Variants in FAM193A observed in about 807,000 individuals in gnomAD.
The protein encoded by FAM193A is family with sequence similarity 193 member A, also known as protein FAM193A.
Under a neutral mutation model 126.5 loss-of-function variants are expected in FAM193A, and 22 were observed. That is an observed-to-expected ratio of 0.17 (90% CI 0.12 to 0.25). The LOEUF is 0.25. Ranked by LOEUF, FAM193A falls within the 10% of genes least tolerant of loss-of-function variation. The pLI is 1.00. For missense variants in FAM193A, 1,675 were observed against 1,672.8 expected, an observed-to-expected ratio of 1.00 and a Z score of -0.02; for synonymous variants, 761 against 646.8, an observed-to-expected ratio of 1.18 and a Z score of -2.68.
At chr4:2,640,752 G>A (rs1003521378) in intron 6 of FAM193A, among the ~76,000 whole-genome samples, 19 of 152,058 alleles carry the variant, frequency 1.2e-4, no homozygotes, top group African/African-American at 4.6e-4. Flanking sequence ...ATCACCTGAG[G>A]TCAGGAGTTT....
At chr4:2,589,563 C>G (rs561281846) in intron 1 of FAM193A, among the ~76,000 whole-genome samples, 1 of 152,174 alleles carries the variant, frequency 6.6e-6, no homozygotes, top group Non-Finnish European at 1.5e-5. Context: ...GATATTTACT[C>G]TGTAAGATTA....
chr4:2,552,296 C>T (rs1453526525), intron 1 of FAM193A, among the ~76,000 whole-genome samples: 2 of 120,112 alleles, frequency 1.7e-5, no homozygotes, highest in African/African-American at 6.2e-5. Flanking sequence ...CAGGCGTGAG[C>T]CACCGCGCCC....
chr4:2,653,967 A>G (rs772301286), intron 7 of FAM193A, among the ~76,000 whole-genome samples: 6 of 152,166 alleles, frequency 3.9e-5, no homozygotes, highest in South Asian at 2.1e-4. Flanking sequence ...CAGCAGGGCT[A>G]TGTTCCCCTG....
At chr4:2,572,708 G>T (rs1213274236) in intron 1 of FAM193A, among the ~76,000 whole-genome samples, 1 of 151,966 alleles carries the variant, frequency 6.6e-6, no homozygotes, top group East Asian at 1.9e-4. Context: ...CTGGAGGGCT[G>T]GGGCGAGGAT....
chr4:2,611,261 C>CTATT (rs527253867), intron 2 of FAM193A, among the ~76,000 whole-genome samples: 4,210 of 151,394 alleles, frequency 0.028, 139 homozygotes, highest in African/African-American at 0.079. Flanking sequence ...TCTGCATTTT[C>CTATT]TATTTATTTA....
At chr4:2,696,128 G>A (rs1286406132) in intron 17 of FAM193A, 7 of 435,758 alleles carry the variant, frequency 1.6e-5, no homozygotes, top group Non-Finnish European at 2.5e-5. Context: ...AGCTATACAT[G>A]CTTTATCAGG....
In FAM193A at chr4:2,663,983, A is replaced by G. The variant is rs531085687; in HGVS notation, c.2079+695A>G. ...CTCTGTTTAAAAAATAATAATAACAACAATAATAATAAGCAGTCTTTAAAT... is the reference window on the plus strand; with the variant it reads ...CTCTGTTTAAAAAATAATAATAACAGCAATAATAATAAGCAGTCTTTAAAT... On this transcript the variant is annotated intron_variant, in intron 12 of 20. Transcript: ENST00000637812. Among the ~76,000 whole-genome samples, 23 of 152,312 alleles carry G rather than the reference A, an allele frequency of 1.5e-4. No homozygotes were observed. The East Asian group carries it at 3.9e-3, about 26-fold the overall frequency.
rs1394683656 is a variant in FAM193A at position 2,703,800 on chromosome 4, C to CT, written c.4372+3257dup. ...GCAATATAGCAAGACCCCATCTCTA[C>CT]TAAAAAAAAAAAAAAAAGCCACTTA... is the stretch of plus-strand genomic sequence containing the variant. On this transcript the variant is annotated intron_variant, in intron 19 of 20. Transcript: ENST00000637812. 1.0e-4 allele frequency among the ~76,000 whole-genome samples: 7 copies of CT among 70,056 alleles called. No homozygotes were observed. The South Asian group carries it at 3.5e-3, about 35-fold the overall frequency. 46.0% of individuals were successfully genotyped at this position (70,056 alleles called of 152,430 possible).
At chr4:2,708,991 C>T (rs1718625609) in intron 19 of FAM193A, among the ~76,000 whole-genome samples, 7 of 151,764 alleles carry the variant, frequency 4.6e-5, no homozygotes. Context: ...AAGATGTTGG[C>T]TTTAGGGTTA....
Position 2,689,824 on chromosome 4 carries a change from C to G in FAM193A, c.2530+120C>G, listed in dbSNP as rs188142882. 503 of 671,866 alleles carry G rather than the reference C, an allele frequency of 7.5e-4. 2 individuals are homozygous for G. In the African/African-American group the frequency reaches 8.4e-3, roughly 11 times the overall value. 41.6% of individuals were successfully genotyped at this position (671,866 alleles called of 1,614,324 possible). A position where few individuals can be genotyped will look rare whatever the true frequency, so the allele number is the denominator to read the frequency against. On this transcript the variant is annotated intron_variant, in intron 14 of 20. Coordinates refer to ENST00000637812, the MANE Select transcript of FAM193A (RefSeq NM_001366318.2). ...GTAGCCAGCTGCTGCTCCACCACCTCTGTCTCCAGTGGGAGGCCCCTCGGG... is the reference window on the plus strand; with the variant it reads ...GTAGCCAGCTGCTGCTCCACCACCTGTGTCTCCAGTGGGAGGCCCCTCGGG...
intron 13 of FAM193A, among the ~76,000 whole-genome samples, chr4:2,676,498 G>A (rs944361739): frequency 1.3e-5 from 2 of 152,108 alleles, no homozygotes; most frequent in African/African-American, 4.8e-5. Flanking sequence ...TCCTTTGCTC[G>A]TTTTTGAATC....
intron 6 of FAM193A, among the ~76,000 whole-genome samples, chr4:2,642,066 A>G (rs141617501): frequency 0.027 from 4,087 of 149,468 alleles, 207 homozygotes; most frequent in African/African-American, 0.095. Context: ...CGAGGCGGGC[A>G]GATCATGAGG....
At chr4:2,599,413 T>C (rs1741063122) in intron 2 of FAM193A, among the ~76,000 whole-genome samples, 1 of 152,098 alleles carries the variant, frequency 6.6e-6, no homozygotes, top group Non-Finnish European at 1.5e-5. Flanking sequence ...CTGTCTCTGG[T>C]CAGGGCTCTG....
chr4:2,539,358 T>C (rs1210154772), intron 1 of FAM193A, among the ~76,000 whole-genome samples: 1 of 152,174 alleles, frequency 6.6e-6, no homozygotes. Flanking sequence ...CCCTTGCCAC[T>C]GTGCCCACCT....
chr4:2,638,241 C>G (rs1476913771), intron 5 of FAM193A, among the ~76,000 whole-genome samples: 1 of 152,206 alleles, frequency 6.6e-6, no homozygotes, highest in Non-Finnish European at 1.5e-5. Flanking sequence ...CTCTTCTGTT[C>G]CCCGGGAACT....
intron 1 of FAM193A, among the ~76,000 whole-genome samples, chr4:2,580,365 A>C (rs1244336042): frequency 1.3e-5 from 2 of 152,212 alleles, no homozygotes; most frequent in East Asian, 3.9e-4. Context: ...ATCAGGAAAA[A>C]TAACAAGTGA....
At chr4:2,541,185 G>A (rs976744108) in intron 1 of FAM193A, among the ~76,000 whole-genome samples, 3 of 151,494 alleles carry the variant, frequency 2.0e-5, no homozygotes, top group East Asian at 3.9e-4. Flanking sequence ...CAGGAGAATC[G>A]CTTGAACCTG....
At position 2,654,158 on chromosome 4, in the gene FAM193A, G is replaced by A. The variant is rs563470644; in HGVS notation, c.1312-3645G>A. ...TCAAAGGCTTTAAAATGTTGAATAC[G>A]TGTAAAATAATTGAGTCTCTGTTCA... On this transcript the variant is annotated intron_variant, in intron 7 of 20. Transcript: ENST00000637812. 7.2e-4 allele frequency among the ~76,000 whole-genome samples: 110 copies of A among 152,288 alleles called. 1 individual carries two copies. Among genetic ancestry groups the A allele is most frequent in the Non-Finnish European group, 2.2e-4 (15 of 68,032 alleles).
At chr4:2,651,463 A>G (rs182828680) in intron 7 of FAM193A, among the ~76,000 whole-genome samples, 35 of 152,322 alleles carry the variant, frequency 2.3e-4, no homozygotes, top group African/African-American at 5.3e-4. Context: ...AAGGAGAAGA[A>G]GAGGCAAGGC....
Sources: allele counts gnomAD v4.1 joint callset (sites outside exome capture counted in the v4.1 genomes callset), GRCh38; gene constraint gnomAD v4.1.1; transcripts MANE v1.5; gene names NCBI Gene and HGNC (gene_info 2026-07-23, HGNC 2026-07-21).